Variants in DENND5B observed in about 807,000 individuals in gnomAD.
The protein encoded by DENND5B is DENN domain containing 5B.
A neutral mutation model predicts 140.6 loss-of-function variants in DENND5B; 34 were observed. The ratio of observed to expected loss-of-function variants is 0.24; its 90% CI spans 0.18 to 0.32. DENND5B has a LOEUF of 0.32. DENND5B is among the 10% of genes least tolerant of loss of function. The pLI, the probability that DENND5B is intolerant of heterozygous loss-of-function variation, is 1.00. For synonymous variants in DENND5B, 551 were observed against 562.1 expected (o/e 0.98, Z 0.28); for missense variants, 1,142 against 1,560.2 (o/e 0.73, Z 4.52).
rs1593025441 is a variant in DENND5B, at chr12:31,386,709, T to A, written c.*894A>T. The stretch of plus-strand genomic sequence containing the variant: ...AGGGCTCATGGTTATCCTTAAGAGG[T>A]AGACCACTGCACAGTTTAGATGGCC... On this transcript the variant is annotated 3_prime_UTR_variant, in exon 21 of 21. Coordinates refer to ENST00000389082, the MANE Select transcript of DENND5B (RefSeq NM_144973.4). 6.6e-6 allele frequency: 1 copy of A among 152,096 alleles called. No individual in the cohort carries two copies. Among genetic ancestry groups the A allele is most frequent in the South Asian group, 2.1e-4 (1 of 4,824 alleles). 9.4% of individuals were successfully genotyped at this position (152,096 alleles called of 1,614,324 possible).
chr12:31,435,161 G>T (rs998160192), intron 7 of DENND5B, among the ~76,000 whole-genome samples: 1 of 151,950 alleles, frequency 6.6e-6, no homozygotes, highest in Non-Finnish European at 1.5e-5. Context: ...ACACAGACTA[G>T]TTCCCAATTT....
intron 10 of DENND5B, among the ~76,000 whole-genome samples, chr12:31,424,333 C>T (rs1175361863): frequency 6.6e-6 from 1 of 152,030 alleles, no homozygotes; most frequent in African/African-American, 2.4e-5. Flanking sequence ...TCATCCTTTC[C>T]CGCTTAGCAG....
intron 16 of DENND5B, 143 bp from the exon 17 acceptor site, chr12:31,398,505 T>C (rs1302107098): frequency 1.4e-6 from 1 of 711,442 alleles, no homozygotes; most frequent in Non-Finnish European, 2.2e-6. Flanking sequence ...TCTCATTACA[T>C]TGCCCAGGCT....
intron 1 of DENND5B, among the ~76,000 whole-genome samples, chr12:31,497,946 GGAGGA>G (rs1450659977): frequency 1.0e-5 from 1 of 99,234 alleles, no homozygotes; most frequent in African/African-American, 4.0e-5. Flanking sequence ...GAGGGGGCGG[GGAGGA>G]GAGGGGAGGG....
At position 31,576,346 on chromosome 12, in the gene DENND5B, G is replaced by A. The variant is rs113358966; in HGVS notation, c.127+14360C>T. On this transcript the variant is annotated intron_variant, in intron 1 of 20. Transcript: ENST00000389082. Reference sequence around the variant, plus strand: ...CAGACGCCTGTAATCCCAGCTAATCGGGAGGCTGAGGCATCAGAATCGCTT... The same window carrying A: ...CAGACGCCTGTAATCCCAGCTAATCAGGAGGCTGAGGCATCAGAATCGCTT... 9.4e-3 allele frequency among the ~76,000 whole-genome samples: 1,428 copies of A among 151,162 alleles called. 17 individuals carry two copies. Among genetic ancestry groups the A allele is most frequent in the African/African-American group, 0.032 (1,336 of 41,164 alleles).
intron 1 of DENND5B, among the ~76,000 whole-genome samples, chr12:31,553,734 A>T (rs1166937003): frequency 5.9e-5 from 9 of 152,316 alleles, no homozygotes; most frequent in Admixed American, 5.9e-4. Context: ...TTGCTTTATG[A>T]ATCTGGGTGC....
chr12:31,481,220 T>C (rs1946056850), intron 2 of DENND5B, among the ~76,000 whole-genome samples: 1 of 152,154 alleles, frequency 6.6e-6, no homozygotes, highest in Non-Finnish European at 1.5e-5. Context: ...ATAACTGATG[T>C]GGTACAAAAT....
chr12:31,579,096 G>A (rs117330296), intron 1 of DENND5B, among the ~76,000 whole-genome samples: 2 of 152,238 alleles, frequency 1.3e-5, no homozygotes, highest in East Asian at 1.9e-4. Context: ...CTTTCTGCAT[G>A]AGTGATATAC....
intron 1 of DENND5B, among the ~76,000 whole-genome samples, chr12:31,547,026 A>T (rs2139210229): frequency 6.6e-6 from 1 of 152,306 alleles, no homozygotes; most frequent in Middle Eastern, 3.4e-3. Flanking sequence ...CTTTCCAGCA[A>T]ATATGCTTCA....
chr12:31,420,184 T>A, intron 11 of DENND5B: 1 of 539,284 alleles, frequency 1.9e-6, no homozygotes, highest in Non-Finnish European at 2.4e-6. Context: ...TAGAGTGCAG[T>A]GGTGGGATCA....
At chr12:31,564,561 C>CTATTAT (rs3074755) in intron 1 of DENND5B, among the ~76,000 whole-genome samples, 16,409 of 135,812 alleles carry the variant, frequency 0.12, 1,099 homozygotes, top group East Asian at 0.24. Context: ...TCTTTTCATT[C>CTATTAT]TATTATTATT....
intron 11 of DENND5B, among the ~76,000 whole-genome samples, chr12:31,422,497 A>C (rs12819062): frequency 0.13 from 20,161 of 151,894 alleles, 1,600 homozygotes; most frequent in Non-Finnish European, 0.18. Context: ...GCTACTCAGG[A>C]GGCTGAGGCA....
chr12:31,476,177 C>T (rs1591871063), intron 3 of DENND5B, among the ~76,000 whole-genome samples: 1 of 149,186 alleles, frequency 6.7e-6, no homozygotes, highest in South Asian at 2.1e-4. Context: ...ATAATGGAAG[C>T]TTTTGGAGTT....
chr12:31,550,384 G>A (rs1456655121), intron 1 of DENND5B, among the ~76,000 whole-genome samples: 2 of 151,692 alleles, frequency 1.3e-5, no homozygotes, highest in Non-Finnish European at 2.9e-5. Context: ...TCCCTACAAA[G>A]GACATGAACT....
chr12:31,429,780 C>T (rs187507276), intron 8 of DENND5B, among the ~76,000 whole-genome samples: 1 of 152,174 alleles, frequency 6.6e-6, no homozygotes, highest in Non-Finnish European at 1.5e-5. Flanking sequence ...AATCTTGGCT[C>T]ACTGTAACCT....
At chr12:31,574,814 A>G (rs748133767) in intron 1 of DENND5B, among the ~76,000 whole-genome samples, 6 of 152,230 alleles carry the variant, frequency 3.9e-5, no homozygotes, top group Non-Finnish European at 7.3e-5. Context: ...AAGATTTTAC[A>G]TTCTAGTACA....
intron 7 of DENND5B, among the ~76,000 whole-genome samples, chr12:31,433,552 T>C (rs1943610893): frequency 1.3e-5 from 2 of 152,100 alleles, no homozygotes; most frequent in African/African-American, 4.8e-5. Context: ...ATAAGTCAAA[T>C]CTTAACCGAG....
chr12:31,489,576 C>G (rs772973655), intron 2 of DENND5B, among the ~76,000 whole-genome samples: 21 of 152,162 alleles, frequency 1.4e-4, no homozygotes, highest in Admixed American at 3.3e-4. Context: ...GTATTGTAAG[C>G]AAGTATCACT....
chr12:31,440,882 T>G (rs1160067176), intron 7 of DENND5B, among the ~76,000 whole-genome samples: 1 of 152,176 alleles, frequency 6.6e-6, no homozygotes, highest in Non-Finnish European at 1.5e-5. Flanking sequence ...ATGACAGGCA[T>G]GCACCACCAC....
Sources: gnomAD v4.1 joint callset for allele counts (sites outside exome capture counted in the v4.1 genomes callset) on GRCh38, gnomAD v4.1.1 for gene constraint, MANE v1.5 for transcripts, NCBI Gene and HGNC (gene_info 2026-07-23, HGNC 2026-07-21) for gene names.